RARB: variants seen among roughly 807,000 people sequenced by gnomAD.
The protein encoded by RARB is retinoic acid receptor beta.
In RARB, 17 loss-of-function variants were observed where a neutral mutation model predicts 51.9. The ratio of observed to expected loss-of-function variants is 0.33; its 90% CI spans 0.22 to 0.49. The LOEUF (loss-of-function observed/expected upper bound fraction) is 0.49, where lower values mean the gene tolerates loss of function less well. RARB is among the 20% of genes least tolerant of loss of function. The probability of loss-of-function intolerance (pLI) is 0.99; values close to 1 mark genes in which losing one functional copy is unlikely to be tolerated. For synonymous variants in RARB, 215 were observed against 195.4 expected, an observed-to-expected ratio of 1.10 and a Z score of -0.84; for missense variants, 369 against 550.8, an observed-to-expected ratio of 0.67 and a Z score of 3.30.
Position 25,187,112 on chromosome 3 carries a change from T to C in RARB, c.178+12537T>C, listed in dbSNP as rs577868347. 1.4e-4 allele frequency among the ~76,000 whole-genome samples: 22 copies of C among 152,134 alleles called. No individual in the cohort carries two copies. In the South Asian group the frequency reaches 4.4e-3, roughly 30 times the overall value. On this transcript the variant is annotated intron_variant, in intron 5 of 11. Transcript: ENST00000383772. Reference sequence around the variant, plus strand: ...TAGGGATGTGCCTTTCCTCCTCTTATTGGGAGGGAACCTCTCAAATGAGGG... The same window carrying C: ...TAGGGATGTGCCTTTCCTCCTCTTACTGGGAGGGAACCTCTCAAATGAGGG...
At chr3:24,983,019 T>G (rs1162708263) in intron 2 of RARB, among the ~76,000 whole-genome samples, 2 of 152,244 alleles carry the variant, frequency 1.3e-5, no homozygotes, top group East Asian at 3.8e-4. Flanking sequence ...AAATATATAT[T>G]GACTTTTCCA....
intron 2 of RARB, among the ~76,000 whole-genome samples, chr3:24,991,755 G>T (rs1252633455): frequency 6.6e-6 from 1 of 150,722 alleles, no homozygotes; most frequent in East Asian, 1.9e-4. Context: ...GAGCCATATG[G>T]AGGGTGTTTT....
chr3:25,207,783 C>A (rs1701587561), intron 5 of RARB, among the ~76,000 whole-genome samples: 1 of 152,142 alleles, frequency 6.6e-6, no homozygotes, highest in Admixed American at 6.5e-5. Context: ...TAAGACTCTT[C>A]AGAGGGATAG....
At chr3:25,072,301 G>T (rs1048763849) in intron 3 of RARB, among the ~76,000 whole-genome samples, 1 of 152,184 alleles carries the variant, frequency 6.6e-6, no homozygotes, top group Non-Finnish European at 1.5e-5. Context: ...ATAAGGACAC[G>T]TTCTGGAGAG....
intron 5 of RARB, among the ~76,000 whole-genome samples, chr3:25,397,114 C>G (rs1421973649): frequency 6.6e-6 from 1 of 152,162 alleles, no homozygotes; most frequent in Non-Finnish European, 1.5e-5. Flanking sequence ...TGGAAATTTT[C>G]TTCTCCATGT....
rs138846506 is a variant in RARB, at chr3:25,577,969, C to T, written c.610-2577C>T. 2.2e-3 allele frequency among the ~76,000 whole-genome samples: 342 copies of T among 152,340 alleles called. 2 individuals are homozygous for T. The highest frequency in any genetic ancestry group is 7.8e-3 in the African/African-American group (326 of 41,590). ...TGGAAGCCCTGGCCAGACTCTCAGT[C>T]GGCAGCAGATGGAGGAGAGCCCCTT... On this transcript the variant is annotated intron_variant, in intron 4 of 7. Transcript: ENST00000330688.
At chr3:25,182,417 T>A (rs1700880336) in intron 5 of RARB, among the ~76,000 whole-genome samples, 1 of 152,176 alleles carries the variant, frequency 6.6e-6, no homozygotes, top group Non-Finnish European at 1.5e-5. Flanking sequence ...GAAAGTTTCC[T>A]GTCTTGGAAG....
At chr3:25,033,247 G>T (rs1357454002) in intron 2 of RARB, among the ~76,000 whole-genome samples, 2 of 152,170 alleles carry the variant, frequency 1.3e-5, no homozygotes, top group African/African-American at 2.4e-5. Flanking sequence ...TGGCCCACCA[G>T]AAACTTACAA....
intron 2 of RARB, among the ~76,000 whole-genome samples, chr3:25,466,895 G>T (rs1453744401): frequency 1.3e-5 from 2 of 152,210 alleles, no homozygotes; most frequent in African/African-American, 2.4e-5. Flanking sequence ...GGCCCTTGAT[G>T]ATGTTATTCT....
At chr3:24,948,680 G>T (rs1358797975) in intron 2 of RARB, among the ~76,000 whole-genome samples, 1 of 152,154 alleles carries the variant, frequency 6.6e-6, no homozygotes, top group Non-Finnish European at 1.5e-5. Context: ...GGGCCTGGTG[G>T]GAGGGGATTG....
intron 5 of RARB, among the ~76,000 whole-genome samples, chr3:25,213,508 A>G (rs539702319): frequency 1.4e-4 from 21 of 152,306 alleles, no homozygotes; most frequent in African/African-American, 4.8e-4. Flanking sequence ...AGCATTACCA[A>G]TAAGGCACTC....
intron 4 of RARB, among the ~76,000 whole-genome samples, chr3:25,161,222 A>G (rs1700468418): frequency 6.7e-6 from 1 of 148,922 alleles, no homozygotes; most frequent in Non-Finnish European, 1.5e-5. Context: ...ATTATTTTGT[A>G]TTTTTAGTAG....
chr3:25,155,023 T>G (rs1700351637), intron 4 of RARB, among the ~76,000 whole-genome samples: 1 of 152,240 alleles, frequency 6.6e-6, no homozygotes, highest in Non-Finnish European at 1.5e-5. Context: ...CAATCACTTG[T>G]TAACATTTTA....
intron 2 of RARB, among the ~76,000 whole-genome samples, chr3:24,899,902 T>A (rs932483233): frequency 1.4e-5 from 2 of 144,040 alleles, no homozygotes; most frequent in African/African-American, 2.5e-5. Flanking sequence ...GAAGGGCAAA[T>A]GTTTAACCCA....
intron 2 of RARB, among the ~76,000 whole-genome samples, chr3:25,495,523 G>C (rs892172678): frequency 1.3e-5 from 2 of 152,238 alleles, no homozygotes; most frequent in African/African-American, 4.8e-5. Flanking sequence ...ATCTGAGTCA[G>C]ATGTGGGCAT....
At chr3:25,100,057 C>T (rs746767057) in intron 3 of RARB, among the ~76,000 whole-genome samples, 5 of 152,150 alleles carry the variant, frequency 3.3e-5, no homozygotes, top group African/African-American at 1.2e-4. Flanking sequence ...CACCTGGCTA[C>T]GCTTTTAGGG....
intron 2 of RARB, among the ~76,000 whole-genome samples, chr3:25,465,838 T>C (rs1173934799): frequency 1.3e-5 from 2 of 151,320 alleles, no homozygotes; most frequent in East Asian, 3.9e-4. Context: ...ATTAAAAAAA[T>C]AATAGGACAA....
At chr3:25,102,692 G>A (rs1459913946) in intron 3 of RARB, among the ~76,000 whole-genome samples, 1 of 152,062 alleles carries the variant, frequency 6.6e-6, no homozygotes, top group East Asian at 1.9e-4. Context: ...TTATGAAAGA[G>A]ACATTTTGGT....
At chr3:24,847,026 C>T (rs1164903510) in intron 1 of RARB, among the ~76,000 whole-genome samples, 1 of 152,102 alleles carries the variant, frequency 6.6e-6, no homozygotes, top group Non-Finnish European at 1.5e-5. Flanking sequence ...AGCAAATCAC[C>T]AGGAGATCTT....
Sources: gnomAD v4.1 joint callset for allele counts (sites outside exome capture counted in the v4.1 genomes callset) on GRCh38, gnomAD v4.1.1 for gene constraint, MANE v1.5 for transcripts, NCBI Gene and HGNC (gene_info 2026-07-23, HGNC 2026-07-21) for gene names.